The following WWOX variants were observed in gnomAD, a reference collection of about 807,000 sequenced individuals.
The protein encoded by WWOX is WW domain containing oxidoreductase.
In WWOX, 69 loss-of-function variants were observed where a neutral mutation model predicts 46.2. The ratio of observed to expected loss-of-function variants is 1.49; its 90% CI spans 1.23 to 1.82. The LOEUF (loss-of-function observed/expected upper bound fraction) is 1.82. Among genes scored for constraint, WWOX ranks in the 40% most tolerant of loss-of-function variants. The pLI is 0.00. For synonymous variants in WWOX, 359 were observed against 202.6 expected, an observed-to-expected ratio of 1.77 and a Z score of -6.56; for missense variants, 919 against 542.6, an observed-to-expected ratio of 1.69 and a Z score of -6.89.
chr16:78,512,154 A>G (rs1343641021), intron 8 of WWOX, among the ~76,000 whole-genome samples: 1 of 152,218 alleles, frequency 6.6e-6, no homozygotes, highest in Non-Finnish European at 1.5e-5. Flanking sequence ...GATCAAGTAT[A>G]GCAGCCCTGT....
intron 8 of WWOX, among the ~76,000 whole-genome samples, chr16:78,841,122 C>G (rs1009321198): frequency 5.9e-5 from 9 of 152,162 alleles, no homozygotes; most frequent in Non-Finnish European, 1.0e-4. Flanking sequence ...TTCCATTGAT[C>G]TGACCCCAGA....
intron 5 of WWOX, among the ~76,000 whole-genome samples, chr16:78,360,119 C>A (rs540243705): frequency 6.6e-6 from 1 of 152,118 alleles, no homozygotes; most frequent in African/African-American, 2.4e-5. Flanking sequence ...AAAACAACGA[C>A]AAAAATCAAC....
intron 8 of WWOX, among the ~76,000 whole-genome samples, chr16:78,729,348 A>AG (rs2048911273): frequency 6.6e-6 from 1 of 151,882 alleles, no homozygotes; most frequent in South Asian, 2.1e-4. Context: ...CCTCAAAAAA[A>AG]AAAAGTAAAA....
Position 79,020,975 on chromosome 16 carries a change from C to G in WWOX, c.1057-190633C>G, listed in dbSNP as rs546322528. Among the ~76,000 whole-genome samples, 7 of 152,150 alleles carry G rather than the reference C, an allele frequency of 4.6e-5. No homozygotes were observed. The East Asian group carries it at 9.7e-4, about 21-fold the overall frequency. On this transcript the variant is annotated intron_variant, in intron 8 of 8. Coordinates refer to ENST00000566780, the MANE Select transcript of WWOX (RefSeq NM_016373.4). ...ATTCTTGACATCAAATTGTGGGTAGCTAAATAGGTCACCCCAAGTTATTCA... is the reference window on the plus strand; with the variant it reads ...ATTCTTGACATCAAATTGTGGGTAGGTAAATAGGTCACCCCAAGTTATTCA...
At chr16:78,978,718 C>T (rs578026421) in intron 8 of WWOX, among the ~76,000 whole-genome samples, 2 of 152,170 alleles carry the variant, frequency 1.3e-5, no homozygotes, top group South Asian at 4.1e-4. Flanking sequence ...ACTGGGGAGG[C>T]GCTACACACT....
chr16:78,701,023 C>T (rs2048205386), intron 8 of WWOX, among the ~76,000 whole-genome samples: 1 of 152,110 alleles, frequency 6.6e-6, no homozygotes, highest in Non-Finnish European at 1.5e-5. Flanking sequence ...AATCCAGGGT[C>T]TGCCAGATGT....
At chr16:79,140,073 G>A (rs1225168627) in intron 8 of WWOX, among the ~76,000 whole-genome samples, 1 of 152,144 alleles carries the variant, frequency 6.6e-6, no homozygotes, top group Non-Finnish European at 1.5e-5. Context: ...CCTACTCACA[G>A]TGCCCCCATG....
intron 5 of WWOX, among the ~76,000 whole-genome samples, chr16:78,328,566 TG>T (rs2080684275): frequency 6.6e-6 from 1 of 152,216 alleles, no homozygotes; most frequent in Admixed American, 6.5e-5. Flanking sequence ...AAGTATTTAT[TG>T]TAGGCCTGTA....
chr16:78,971,739 C>T (rs1417841452), intron 8 of WWOX, among the ~76,000 whole-genome samples: 14 of 151,806 alleles, frequency 9.2e-5, no homozygotes, highest in African/African-American at 2.9e-4. Context: ...CACCCTCTGC[C>T]GCCCTGGCCT....
intron 8 of WWOX, among the ~76,000 whole-genome samples, chr16:78,635,413 G>C (rs943411530): frequency 1.3e-5 from 2 of 152,112 alleles, no homozygotes; most frequent in Admixed American, 6.5e-5. Flanking sequence ...AACTAGGGGA[G>C]CGCTAATGTG....
In WWOX at chr16:78,313,100, A is replaced by G. The variant is rs1211434232; in HGVS notation, c.517-73760A>G. Among the ~76,000 whole-genome samples the G allele has an allele frequency of 2.6e-5, 4 of 152,342 alleles. No homozygotes were observed. The East Asian group carries it at 7.7e-4, about 29-fold the overall frequency. On this transcript the variant is annotated intron_variant, in intron 5 of 8. Transcript: ENST00000566780. ...ACATCTGAGTACCTATAACATCTAA[A>G]GAATAACAGGAAAATCCACCTGGGT...
rs36073652 is a variant in WWOX at position 78,524,820 on chromosome 16, GT to G, written c.1056+92084del. 5.0e-3 allele frequency among the ~76,000 whole-genome samples: 620 copies of G among 123,202 alleles called. 8 individuals are homozygous for G. The highest frequency in any genetic ancestry group is 0.017 in the African/African-American group (554 of 32,440). The allele number at this position is 123,202 out of a possible 152,430, so 80.8% of individuals were successfully genotyped here. On this transcript the variant is annotated intron_variant, in intron 8 of 8. Transcript: ENST00000566780. ...TATGAACTATTTTGATTTTTTATGG[GT>G]TTTTTTTTTTTTTTTAAAGAATGCG... is the stretch of plus-strand genomic sequence containing the variant.
chr16:78,149,843 A>T (rs1041848192), intron 4 of WWOX, among the ~76,000 whole-genome samples: 1 of 152,108 alleles, frequency 6.6e-6, no homozygotes, highest in African/African-American at 2.4e-5. Context: ...AGCTGCTTCT[A>T]GTGTGTGCTC....
rs1160055305 is a variant in WWOX, at chr16:79,087,341, A to C, written c.1057-124267A>C. Among the ~76,000 whole-genome samples the C allele has an allele frequency of 4.6e-5, 7 of 152,342 alleles. 1 individual carries two copies. In the South Asian group the frequency reaches 8.3e-4, roughly 18 times the overall value. On this transcript the variant is annotated intron_variant, in intron 8 of 8. Coordinates refer to ENST00000566780, the MANE Select transcript of WWOX (RefSeq NM_016373.4). ...GTTGAGCAGGGAAGAAGCTGAAGCT[A>C]GCATGGGCAGGGGAGAAGAAAGCCA... is the stretch of plus-strand genomic sequence containing the variant.
At chr16:78,876,099 A>G (rs1079638) in intron 8 of WWOX, among the ~76,000 whole-genome samples, 43,512 of 152,026 alleles carry the variant, frequency 0.29, 6,465 homozygotes, top group Middle Eastern at 0.44. Flanking sequence ...GAGGAACTCT[A>G]GATATTTCAA....
intron 5 of WWOX, among the ~76,000 whole-genome samples, chr16:78,377,185 A>C (rs1485729450): frequency 6.6e-6 from 1 of 152,234 alleles, no homozygotes; most frequent in East Asian, 1.9e-4. Context: ...TTATGCAGTA[A>C]ATTAGCTGAT....
intron 8 of WWOX, among the ~76,000 whole-genome samples, chr16:79,028,462 G>C (rs1230637299): frequency 6.6e-6 from 1 of 151,750 alleles, no homozygotes; most frequent in East Asian, 1.9e-4. Context: ...TTACTGAAGA[G>C]TTGATAAAAA....
chr16:78,131,358 T>C (rs1355354146), intron 4 of WWOX, among the ~76,000 whole-genome samples: 1 of 152,114 alleles, frequency 6.6e-6, no homozygotes, highest in Non-Finnish European at 1.5e-5. Context: ...ACTACAGGCA[T>C]GCACCACCAT....
At chr16:79,150,573 G>T (rs570483994) in intron 8 of WWOX, among the ~76,000 whole-genome samples, 8 of 152,300 alleles carry the variant, frequency 5.3e-5, no homozygotes, top group African/African-American at 1.9e-4. Context: ...ATGTTGCCAC[G>T]TGGAAATTAG....
Sources: allele counts gnomAD v4.1 joint callset (sites outside exome capture counted in the v4.1 genomes callset), GRCh38; gene constraint gnomAD v4.1.1; transcripts MANE v1.5; gene names NCBI Gene and HGNC (gene_info 2026-07-23, HGNC 2026-07-21).